Variants in ALKBH3 observed in about 807,000 individuals in gnomAD.
ALKBH3 encodes the protein alpha-ketoglutarate-dependent dioxygenase alkB homolog 3.
ALKBH3 carries 51 observed loss-of-function variants against 43.9 expected under a neutral mutation model. The observed-to-expected ratio is 1.16, with a 90% confidence interval of 0.93 to 1.47. The LOEUF is 1.47. Ranked by LOEUF, ALKBH3 falls within the 40% of genes most tolerant of loss-of-function variation. The probability of loss-of-function intolerance (pLI) is 0.00; values close to 1 mark genes in which losing one functional copy is unlikely to be tolerated. For synonymous variants in ALKBH3, 102 were observed against 115.2 expected, an observed-to-expected ratio of 0.89 and a Z score of 0.73; for missense variants, 361 against 351.9, an observed-to-expected ratio of 1.03 and a Z score of -0.21.
intron 7 of ALKBH3, among the ~76,000 whole-genome samples, chr11:43,896,972 C>G (rs190953878): frequency 1.3e-3 from 198 of 151,724 alleles, no homozygotes; most frequent in Non-Finnish European, 2.0e-3. Flanking sequence ...GGGTCTTGCT[C>G]TGTTGCCCAG....
intron 4 of ALKBH3, among the ~76,000 whole-genome samples, chr11:43,884,321 G>T (rs1362772833): frequency 2.6e-5 from 4 of 151,314 alleles, no homozygotes; most frequent in Non-Finnish European, 5.9e-5. Context: ...AAGACAGAGA[G>T]GGATTTTTCC....
chr11:43,901,765 T>C (rs533604692), intron 8 of ALKBH3, 40 bp downstream of exon 8: 41 of 1,603,128 alleles, frequency 2.6e-5, no homozygotes, highest in Non-Finnish European at 3.2e-5. Flanking sequence ...CTGCCTCTTA[T>C]TAGTCTGTGG....
chr11:43,897,943 G>C lies in ALKBH3; in HGVS notation c.460-3573G>C, dbSNP rs1289615517. On this transcript the variant is annotated intron_variant, in intron 7 of 9. Transcript: ENST00000302708. ...TATTGAATACTACCTTCGCCATTTA[G>C]AAGGAGGCATAACCTTTGTGCCCCA... 6.4e-6 allele frequency: 5 copies of C among 783,242 alleles called. No individual in the cohort carries two copies. In the African/African-American group the frequency reaches 8.5e-5, roughly 13 times the overall value. 48.5% of individuals were successfully genotyped at this position (783,242 alleles called of 1,614,324 possible).
chr11:43,883,405 A>G (rs757322541), intron 3 of ALKBH3, among the ~76,000 whole-genome samples: 6 of 152,136 alleles, frequency 3.9e-5, no homozygotes, highest in Non-Finnish European at 8.8e-5. Flanking sequence ...TTATTCCCGT[A>G]TTTTTGGCAA....
At chr11:43,904,509 A>C (rs940917769) in intron 8 of ALKBH3, among the ~76,000 whole-genome samples, 2 of 152,212 alleles carry the variant, frequency 1.3e-5, no homozygotes, top group Non-Finnish European at 2.9e-5. Flanking sequence ...TTTTCCCCAG[A>C]ACCTGTAAAG....
chr11:43,917,626 A>G (rs1053226656), intron 8 of ALKBH3, among the ~76,000 whole-genome samples: 2 of 151,932 alleles, frequency 1.3e-5, no homozygotes, highest in African/African-American at 4.8e-5. Flanking sequence ...CAGTAGGACC[A>G]TGTGTCTCCT....
At chr11:43,886,232 G>A (rs1401822082) in intron 4 of ALKBH3, among the ~76,000 whole-genome samples, 2 of 152,200 alleles carry the variant, frequency 1.3e-5, no homozygotes, top group Admixed American at 6.5e-5. Context: ...GCCCTGAGAT[G>A]TGCTTGCTGC....
rs578142115 is a variant in ALKBH3 at position 43,901,814 on chromosome 11, C to T, written c.669+89C>T. ...CCTAAAAGCTTCTACTTTCAGATTT[C>T]GAGCATGGGAATACACATTTTGTTG... On this transcript the variant is annotated intron_variant, in intron 8 of 9. Transcript: ENST00000302708. 1.1e-4 allele frequency: 158 copies of T among 1,440,326 alleles called. 1 individual carries two copies. In the South Asian group the frequency reaches 1.6e-3, roughly 15 times the overall value. 89.2% of individuals were successfully genotyped at this position (1,440,326 alleles called of 1,614,324 possible).
intron 5 of ALKBH3, among the ~76,000 whole-genome samples, chr11:43,887,559 C>T (rs1485117565): frequency 4.6e-5 from 7 of 152,088 alleles, no homozygotes; most frequent in Non-Finnish European, 1.0e-4. Context: ...ATCCACCTGC[C>T]CCACCTTAGC....
At chr11:43,885,271 C>G (rs1951739350) in intron 4 of ALKBH3, among the ~76,000 whole-genome samples, 1 of 152,142 alleles carries the variant, frequency 6.6e-6, no homozygotes, top group South Asian at 2.1e-4. Flanking sequence ...AAAAAAATAG[C>G]CGGAAATGTC....
chr11:43,887,094 C>T (rs989177627), intron 5 of ALKBH3, among the ~76,000 whole-genome samples: 1 of 152,108 alleles, frequency 6.6e-6, no homozygotes, highest in African/African-American at 2.4e-5. Flanking sequence ...ATATGTACCC[C>T]AAACTTAAAG....
intron 8 of ALKBH3, among the ~76,000 whole-genome samples, chr11:43,904,302 A>C (rs1011985147): frequency 5.3e-5 from 8 of 152,228 alleles, no homozygotes; most frequent in African/African-American, 1.9e-4. Context: ...GAGGAAAGGG[A>C]TTTGGGAAGA....
At chr11:43,919,805 A>T in intron 9 of ALKBH3, 113 bp from the exon 10 acceptor site, 2 of 1,007,978 alleles carry the variant, frequency 2.0e-6, no homozygotes, top group Non-Finnish European at 3.1e-6. Context: ...CTACTCATTT[A>T]AGGGGGATGA....
chr11:43,899,606 C>T, intron 7 of ALKBH3: 1 of 532,576 alleles, frequency 1.9e-6, no homozygotes, highest in Non-Finnish European at 3.5e-6. Flanking sequence ...ATGGCCGCCC[C>T]TCCTCGGACA....
chr11:43,901,043 T>C (rs901619509), intron 7 of ALKBH3, among the ~76,000 whole-genome samples: 2 of 152,176 alleles, frequency 1.3e-5, no homozygotes, highest in African/African-American at 4.8e-5. Context: ...CAGGATAAAA[T>C]AGGAATAGAA....
chr11:43,889,725 G>A lies in ALKBH3; in HGVS notation c.267G>A (p.Arg89=), dbSNP rs745557232. 1.2e-6 allele frequency: 2 copies of A among 1,613,628 alleles called. No homozygotes were observed. Among genetic ancestry groups the A allele is most frequent in the East Asian group, 2.2e-5 (1 of 44,856 alleles). The part of the protein sequence containing the change: ...EISLSPTGVS[R]VCLYPGFVDV... ...TTAACAATGTTCATTCTGCACCCAG[G>A]GTCTGTTTGTATCCTGGCTTTGTTG... Residue 89 remains arginine, a splice_region_variant and synonymous_variant, in exon 6 of 10, where the codon AGG becomes AGA. Coordinates refer to ENST00000302708, the MANE Select transcript of ALKBH3 (RefSeq NM_139178.4).
Position 43,889,773 on chromosome 11 carries a change from A to G in ALKBH3, c.315A>G (p.Ile105Met). The G allele has an allele frequency of 1.2e-6, 2 of 1,614,128 alleles. No individual in the cohort carries two copies. Among genetic ancestry groups the G allele is most frequent in the South Asian group, 2.2e-5 (2 of 91,082 alleles). The change falls in exon 6 of 10, where the codon ATA becomes ATG. Residue 105 changes from isoleucine (I) to methionine (M), a missense_variant. Coordinates refer to ENST00000302708, the MANE Select transcript of ALKBH3 (RefSeq NM_139178.4). The stretch of plus-strand genomic sequence containing the variant: ...TTGACGTGAAAGAAGCTGACTGGAT[A>G]TTGGAACAGCTTTGTCAAGATGTTC... The part of the protein sequence containing the change: ...GFVDVKEADW[I>M]LEQLCQDVPW...
intron 7 of ALKBH3, chr11:43,898,364 A>G: frequency 1.4e-6 from 1 of 702,772 alleles, no homozygotes; most frequent in Non-Finnish European, 2.6e-6. Context: ...CAGGTAGACT[A>G]CATTCTTGCT....
intron 4 of ALKBH3, among the ~76,000 whole-genome samples, chr11:43,884,414 G>A (rs1031501233): frequency 6.8e-6 from 1 of 146,706 alleles, no homozygotes; most frequent in Non-Finnish European, 1.5e-5. Flanking sequence ...TGCTATGAAA[G>A]CTGCTAGTGC....
Sources: gnomAD v4.1 joint callset for allele counts (sites outside exome capture counted in the v4.1 genomes callset) on GRCh38, gnomAD v4.1.1 for gene constraint, MANE v1.5 for transcripts, NCBI Gene and HGNC (gene_info 2026-07-23, HGNC 2026-07-21) for gene names.